The following CDH13 variants were observed in gnomAD, a reference collection of about 807,000 sequenced individuals.
The protein encoded by CDH13 is cadherin 13.
CDH13 carries 24 observed loss-of-function variants against 63.8 expected under a neutral mutation model. That is an observed-to-expected ratio of 0.38 (90% CI 0.27 to 0.53). The LOEUF is 0.53. CDH13 is among the 20% of genes least tolerant of loss of function. The pLI is 0.85. For synonymous variants in CDH13, 503 were observed against 355.3 expected (o/e 1.42, Z -4.67); for missense variants, 1,049 against 903.1 (o/e 1.16, Z -2.07).
chr16:83,098,901 G>A (rs1416661823), intron 3 of CDH13, among the ~76,000 whole-genome samples: 2 of 152,188 alleles, frequency 1.3e-5, no homozygotes, highest in Admixed American at 6.5e-5. Context: ...GGTTAATTGT[G>A]AGACTGGTTG....
intron 2 of CDH13, among the ~76,000 whole-genome samples, chr16:82,898,840 GGAAAC>G (rs57252440): frequency 0.015 from 2,300 of 152,306 alleles, 51 homozygotes; most frequent in African/African-American, 0.051. Flanking sequence ...GGGTTTTCTA[GGAAAC>G]AGAGTCTGAG....
In CDH13 at chr16:83,798,145, CA is replaced by C. The variant is rs1904291818; in HGVS notation, c.*3116del. On this transcript the variant is annotated 3_prime_UTR_variant, in exon 14 of 14. Transcript: ENST00000567109. ...CAGAGTTTCAGAATGTCATTTAAAA[CA>C]GTCTGATAAATGGAACAACCATCTA... The C allele has an allele frequency of 6.6e-6, 1 of 152,200 alleles. No individual in the cohort carries two copies. Among genetic ancestry groups the C allele is most frequent in the African/African-American group, 2.4e-5 (1 of 41,446 alleles). The allele number at this position is 152,200 out of a possible 1,614,324, so 9.4% of individuals were successfully genotyped here.
intron 6 of CDH13, among the ~76,000 whole-genome samples, chr16:83,395,604 G>C (rs1567642550): frequency 6.6e-6 from 1 of 152,124 alleles, no homozygotes; most frequent in African/African-American, 2.4e-5. Flanking sequence ...AAGTGTTGAA[G>C]TTTTCCTTCA....
chr16:82,631,965 C>T (rs2150868214), intron 1 of CDH13, among the ~76,000 whole-genome samples: 1 of 152,250 alleles, frequency 6.6e-6, no homozygotes, highest in South Asian at 2.1e-4. Context: ...AAGTAGCAGC[C>T]ACAGGCTAAA....
At chr16:83,036,768 T>C (rs1408817485) in intron 3 of CDH13, among the ~76,000 whole-genome samples, 1 of 152,160 alleles carries the variant, frequency 6.6e-6, no homozygotes, top group East Asian at 1.9e-4. Context: ...GCAGCCTAGA[T>C]GCAATTCATC....
intron 11 of CDH13, among the ~76,000 whole-genome samples, chr16:83,758,627 A>T (rs1913707700): frequency 6.6e-6 from 1 of 152,236 alleles, no homozygotes; most frequent in South Asian, 2.1e-4. Flanking sequence ...CATAAATGAT[A>T]TGCCTAAAAT....
chr16:83,602,685 C>A, intron 8 of CDH13, 91 bp downstream of exon 8: 1 of 1,332,342 alleles, frequency 7.5e-7, no homozygotes, highest in Non-Finnish European at 1.1e-6. Flanking sequence ...ACCTGCTGGC[C>A]CCCCTTTCAA....
intron 7 of CDH13, among the ~76,000 whole-genome samples, chr16:83,585,588 G>C (rs1285879903): frequency 7.5e-6 from 1 of 132,772 alleles, no homozygotes; most frequent in Non-Finnish European, 1.7e-5. Context: ...CTGGGAATTA[G>C]GAGACAGTTG....
intron 9 of CDH13, among the ~76,000 whole-genome samples, chr16:83,672,873 A>G (rs1373479620): frequency 6.6e-6 from 1 of 152,236 alleles, no homozygotes; most frequent in East Asian, 1.9e-4. Context: ...GACAGATTTT[A>G]TAGACTCAGG....
chr16:82,776,774 C>G (rs1013286203), intron 1 of CDH13, among the ~76,000 whole-genome samples: 2 of 152,184 alleles, frequency 1.3e-5, no homozygotes, highest in Non-Finnish European at 2.9e-5. Context: ...CTTCATCCCT[C>G]TCTTCTCCCA....
At chr16:83,035,844 A>T (rs1916799041) in intron 3 of CDH13, among the ~76,000 whole-genome samples, 2 of 152,194 alleles carry the variant, frequency 1.3e-5, no homozygotes, top group African/African-American at 2.4e-5. Flanking sequence ...CTGTGGATTC[A>T]ATGAGACGAT....
chr16:83,125,435 C>A lies in CDH13; in HGVS notation c.417C>A (p.Ser139=), dbSNP rs768563646. 1.2e-6 allele frequency: 2 copies of A among 1,612,034 alleles called. No homozygotes were observed. Among genetic ancestry groups the A allele is most frequent in the African/African-American group, 1.3e-5 (1 of 74,990 alleles). ...RTSPVPRQKR[S]IVVSPILIPE... is the part of the protein sequence containing the mutation. ...CTCCTGTCCCAAGACAAAAGAGGTC[C>A]ATTGTGGTATCTCCCATTTTAATTC... The change falls in exon 4 of 14, where the codon TCC becomes TCA. Residue 139 remains serine, a synonymous_variant. Transcript: ENST00000567109.
chr16:82,766,981 A>G (rs1276798904), intron 1 of CDH13, among the ~76,000 whole-genome samples: 1 of 152,094 alleles, frequency 6.6e-6, no homozygotes, highest in African/African-American at 2.4e-5. Context: ...TAATCCACGC[A>G]TTTTACCACC....
chr16:82,796,917 G>T (rs2036609581), intron 1 of CDH13, among the ~76,000 whole-genome samples: 1 of 152,168 alleles, frequency 6.6e-6, no homozygotes, highest in Non-Finnish European at 1.5e-5. Context: ...TATTGACTCT[G>T]CTCAGATTAC....
chr16:82,825,302 C>A (rs1436505838), intron 1 of CDH13: 1 of 152,108 alleles, frequency 6.6e-6, no homozygotes, highest in Admixed American at 6.5e-5. Flanking sequence ...TCTCAGCCAC[C>A]CTCCCTGACT....
intron 3 of CDH13, among the ~76,000 whole-genome samples, chr16:83,119,578 C>G (rs574965931): frequency 1.0e-3 from 152 of 152,332 alleles, no homozygotes; most frequent in African/African-American, 3.5e-3. Flanking sequence ...CCTTTTGTAA[C>G]TGTCTCTTGA....
intron 4 of CDH13, among the ~76,000 whole-genome samples, chr16:83,136,777 G>A (rs899794662): frequency 1.5e-4 from 23 of 152,158 alleles, no homozygotes; most frequent in Middle Eastern, 3.2e-3. Context: ...GGGATGTTCC[G>A]CAGCCTGAAT....
intron 1 of CDH13, among the ~76,000 whole-genome samples, chr16:82,806,946 C>T (rs1272214169): frequency 1.3e-5 from 2 of 152,174 alleles, no homozygotes; most frequent in Admixed American, 6.6e-5. Context: ...GCATAGCAGT[C>T]ATCATTGGGG....
chr16:83,080,953 C>G (rs562300624), intron 3 of CDH13, among the ~76,000 whole-genome samples: 22 of 120,088 alleles, frequency 1.8e-4, no homozygotes, highest in African/African-American at 6.0e-4. Context: ...GCAATCTTGG[C>G]TCACCGCAAC....
Sources: allele counts gnomAD v4.1 joint callset (sites outside exome capture counted in the v4.1 genomes callset), GRCh38; gene constraint gnomAD v4.1.1; transcripts MANE v1.5; gene names NCBI Gene and HGNC (gene_info 2026-07-23, HGNC 2026-07-21).